SYNJ2: variants seen among roughly 807,000 people sequenced by gnomAD.
SYNJ2 encodes synaptojanin 2.
Under a neutral mutation model 141.3 loss-of-function variants are expected in SYNJ2, and 116 were observed. That is an observed-to-expected ratio of 0.82 (90% confidence interval 0.71 to 0.96). The LOEUF (loss-of-function observed/expected upper bound fraction) is 0.96. SYNJ2 is among the 40% of genes least tolerant of loss of function. SYNJ2 has a pLI of 0.00. For synonymous variants in SYNJ2, 745 were observed against 777.7 expected (o/e 0.96, Z 0.70); for missense variants, 1,873 against 1,934.8 (o/e 0.97, Z 0.60).
intron 12 of SYNJ2, chr6:158,067,663 A>G (rs932398536): frequency 3.0e-6 from 3 of 985,370 alleles, no homozygotes; most frequent in Admixed American, 6.1e-5. Flanking sequence ...GCAGTGGCCC[A>G]TGTGTACATT....
chr6:158,050,177 C>G (rs928372785), intron 5 of SYNJ2, among the ~76,000 whole-genome samples: 1 of 152,224 alleles, frequency 6.6e-6, no homozygotes, highest in Non-Finnish European at 1.5e-5. Flanking sequence ...CATAACAAGT[C>G]CAGAAATAAG....
intron 16 of SYNJ2, among the ~76,000 whole-genome samples, chr6:158,075,797 A>G (rs1388516102): frequency 1.3e-5 from 2 of 152,128 alleles, no homozygotes; most frequent in Non-Finnish European, 2.9e-5. Flanking sequence ...CCAACCTCCT[A>G]AAGCAGGTTT....
intron 2 of SYNJ2, among the ~76,000 whole-genome samples, chr6:158,026,626 A>G (rs933766476): frequency 6.6e-6 from 1 of 152,164 alleles, no homozygotes; most frequent in Admixed American, 6.5e-5. Context: ...GGTCCTGCCC[A>G]GGAAATGCAC....
chr6:158,081,807 GA>G (rs1782710391), intron 20 of SYNJ2, among the ~76,000 whole-genome samples: 1 of 151,570 alleles, frequency 6.6e-6, no homozygotes, highest in South Asian at 2.1e-4. Context: ...AAATTTTGTA[GA>G]GAGAGGATCT....
At position 158,076,714 on chromosome 6, in the gene SYNJ2, A is replaced by G; in HGVS notation, c.2381A>G (p.Lys794Arg). The G allele has an allele frequency of 1.2e-6, 2 of 1,614,208 alleles. No individual in the cohort carries two copies. The highest frequency in any genetic ancestry group is 3.3e-4 in the Middle Eastern group (2 of 6,062). Residue 794 changes from lysine (K) to arginine (R), a missense_variant, in exon 17 of 27, where the codon AAA becomes AGA. By Grantham distance (26) the Lys-to-Arg change is conservative. Transcript: ENST00000355585. ...TCAGCCGCCTACGATACAAGCGACA[A>G]ATGCCGCACCCCCGCCTGGACAGAC... ...VGSAAYDTSD[K>R]CRTPAWTDRV...
intron 8 of SYNJ2, 119 bp from the exon 9 acceptor site, chr6:158,063,672 A>AAC: frequency 1.7e-6 from 1 of 587,622 alleles, no homozygotes; most frequent in Non-Finnish European, 2.7e-6. Context: ...AAAAAAAAAA[A>AAC]AAAAAAAAAA....
intron 4 of SYNJ2, among the ~76,000 whole-genome samples, chr6:158,037,599 C>T (rs975698026): frequency 7.9e-5 from 12 of 152,086 alleles, no homozygotes; most frequent in Non-Finnish European, 1.5e-4. Flanking sequence ...GACAGGGTTT[C>T]ACCGTGTTAG....
intron 3 of SYNJ2, chr6:158,029,298 C>G (rs574739570): frequency 3.2e-6 from 1 of 312,604 alleles, no homozygotes; most frequent in African/African-American, 2.1e-5. Flanking sequence ...CCTGTAATCC[C>G]AGCACTTTGG....
In SYNJ2 at chr6:158,071,795, G is replaced by A. The variant is rs775342604; in HGVS notation, c.2133+1G>A. 1 of 1,612,746 alleles carries A rather than the reference G, an allele frequency of 6.2e-7. No homozygotes were observed. Among genetic ancestry groups the A allele is most frequent in the Non-Finnish European group, 8.5e-7 (1 of 1,179,828 alleles). On this transcript the variant is annotated splice_donor_variant, in intron 15 of 26. Coordinates refer to ENST00000355585, the MANE Select transcript of SYNJ2 (RefSeq NM_003898.4). LOFTEE classifies it high-confidence loss of function. The surrounding 1 kb of genome is among the most constrained non-coding windows in gnomAD (Gnocchi z 4.3). ...CACCCAGAAACTCTGCTTCCCAATG[G>A]TGAGCGGCGCCGTGGGGACAGCCAG...
At chr6:158,069,995 T>G (rs75574613) in intron 14 of SYNJ2, 110 of 453,842 alleles carry the variant, frequency 2.4e-4, no homozygotes, top group African/African-American at 2.0e-3. Flanking sequence ...AGGAAACCTC[T>G]GACCAAGAGC....
At chr6:158,063,701 G>T in intron 8 of SYNJ2, 90 bp from the exon 9 acceptor site, 1 of 715,024 alleles carries the variant, frequency 1.4e-6, no homozygotes, top group East Asian at 3.1e-5. Context: ...TGTTTCCTTG[G>T]GAGTCAAAAG....
intron 1 of SYNJ2, among the ~76,000 whole-genome samples, chr6:157,987,547 G>T (rs550694130): frequency 6.6e-6 from 1 of 152,104 alleles, no homozygotes; most frequent in African/African-American, 2.4e-5. Context: ...GACTACAGGC[G>T]CGTGCCATCA....
chr6:158,017,406 T>C (rs1166701918), intron 2 of SYNJ2, 116 bp downstream of exon 2: 18 of 57,922 alleles, frequency 3.1e-4, no homozygotes, highest in African/African-American at 1.4e-3. Flanking sequence ...CTCTCTCTTC[T>C]TTTTTTTTTT....
rs1781833005 is a variant in SYNJ2, at chr6:158,070,220, G to A, written c.1940+547G>A. The stretch of plus-strand genomic sequence containing the variant: ...GAGGAACTCATCTTTTCCCCAGCTT[G>A]TGGTTGGCCTCATCTTACCACCTGG... On this transcript the variant is annotated intron_variant, in intron 14 of 26. Coordinates refer to ENST00000355585, the MANE Select transcript of SYNJ2 (RefSeq NM_003898.4). This position sits in a 1 kb window ranked among gnomAD's most constrained non-coding sequence, Gnocchi z 4.0. The A allele has an allele frequency of 2.0e-6, 2 of 985,364 alleles. No homozygotes were observed. The highest frequency in any genetic ancestry group is 2.4e-6 in the Non-Finnish European group (2 of 830,006). The allele number at this position is 985,364 out of a possible 1,614,324, so 61.0% of individuals were successfully genotyped here.
intron 1 of SYNJ2, among the ~76,000 whole-genome samples, chr6:157,996,286 A>T (rs1777627971): frequency 6.6e-6 from 1 of 151,902 alleles, no homozygotes; most frequent in Admixed American, 6.6e-5. Context: ...CCCAAAACAG[A>T]TGGTGAATCC....
intron 3 of SYNJ2, chr6:158,029,394 C>CAAAAAAAAA (rs59043421): frequency 1.1e-3 from 100 of 92,194 alleles, no homozygotes; most frequent in Non-Finnish European, 1.7e-3. Flanking sequence ...ACTAAAAATA[C>CAAAAAAAAA]AAAAAAAAAA....
chr6:158,078,359 T>G, intron 18 of SYNJ2, 78 bp downstream of exon 18: 1 of 933,636 alleles, frequency 1.1e-6, no homozygotes, highest in Non-Finnish European at 1.7e-6. Flanking sequence ...AAATGCATGC[T>G]GTCCCCATAA....
chr6:157,989,466 A>G (rs187535859), intron 1 of SYNJ2, among the ~76,000 whole-genome samples: 1,753 of 131,040 alleles, frequency 0.013, 25 homozygotes, highest in Non-Finnish European at 0.022. Flanking sequence ...ATATATATAT[A>G]TGGAAAAAGA....
At chr6:158,039,812 G>A (rs970147420) in intron 4 of SYNJ2, among the ~76,000 whole-genome samples, 2 of 152,082 alleles carry the variant, frequency 1.3e-5, no homozygotes, top group African/African-American at 4.8e-5. Flanking sequence ...CAGTAGGAAG[G>A]AGGACTGTGC....
Sources: allele counts gnomAD v4.1 joint callset (sites outside exome capture counted in the v4.1 genomes callset), GRCh38; gene constraint gnomAD v4.1.1; non-coding constraint Gnocchi (gnomAD v3.1); transcripts MANE v1.5; gene names NCBI Gene and HGNC (gene_info 2026-07-23, HGNC 2026-07-21).